Variants in FKBP9 observed in about 807,000 individuals in gnomAD.
FKBP9 encodes the protein peptidyl-prolyl cis-trans isomerase FKBP9.
FKBP9 carries 27 observed loss-of-function variants against 55.6 expected under a neutral mutation model. The observed-to-expected ratio is 0.49, with a 90% CI of 0.36 to 0.67. The LOEUF is 0.67. Among genes scored for constraint, FKBP9 ranks in the 30% least tolerant of loss-of-function variants. The pLI is 0.00. For missense variants in FKBP9, 539 were observed against 742.8 expected, an observed-to-expected ratio of 0.73 and a Z score of 3.19; for synonymous variants, 267 against 296.5, an observed-to-expected ratio of 0.90 and a Z score of 1.02.
At chr7:32,965,866 T>TATATATACACATATATATATAC (rs70989913) in intron 1 of FKBP9, among the ~76,000 whole-genome samples, 1 of 97,520 alleles carries the variant, frequency 1.0e-5, no homozygotes, top group African/African-American at 4.8e-5. Flanking sequence ...TATATATATA[T>TATATATACACATATATATATAC]ACATACATAT....
intron 5 of FKBP9, 78 bp from the exon 6 acceptor site, chr7:32,988,429 T>C (rs1403400575): frequency 6.8e-7 from 1 of 1,474,160 alleles, no homozygotes; most frequent in African/African-American, 1.4e-5. Context: ...TGCCTTTGCA[T>C]CTCTTTCCCA....
Position 32,975,288 on chromosome 7 carries a change from T to C in FKBP9, c.474T>C (p.Ser158=). The C allele has an allele frequency of 6.2e-7, 1 of 1,613,824 alleles. No homozygotes were observed. The highest frequency in any genetic ancestry group is 8.5e-7 in the Non-Finnish European group (1 of 1,179,700). The change falls in exon 3 of 10, where the codon AGT becomes AGC. Residue 158 remains serine (S), a synonymous_variant. Transcript: ENST00000242209. ...VQIHTYFKPP[S]CPRTIQVSDF... is the part of the protein sequence containing the mutation. ...TTCACACCTATTTCAAGCCCCCGAGTTGCCCTCGGACCATCCAGGTGTCTG... is the reference window on the plus strand; with the variant it reads ...TTCACACCTATTTCAAGCCCCCGAGCTGCCCTCGGACCATCCAGGTGTCTG...
At chr7:32,967,882 G>A (rs551201336) in intron 1 of FKBP9, among the ~76,000 whole-genome samples, 4 of 152,148 alleles carry the variant, frequency 2.6e-5, no homozygotes, top group South Asian at 4.1e-4. Flanking sequence ...AGCCTCCTGA[G>A]TAGCTGGGAT....
intron 1 of FKBP9, among the ~76,000 whole-genome samples, chr7:32,964,022 AGGGTCAGT>A (rs1784083721): frequency 6.6e-6 from 1 of 152,070 alleles, no homozygotes; most frequent in Non-Finnish European, 1.5e-5. Flanking sequence ...GGGGCCTGAC[AGGGTCAGT>A]GGTGTCAGAA....
At position 32,982,594 on chromosome 7, in the gene FKBP9, C is replaced by CA. The variant is rs894518799; in HGVS notation, c.893+2050dup. 2.4e-4 allele frequency among the ~76,000 whole-genome samples: 36 copies of CA among 150,010 alleles called. No individual in the cohort carries two copies. In the East Asian group the frequency reaches 4.9e-3, roughly 20 times the overall value. On this transcript the variant is annotated intron_variant, in intron 5 of 9. Transcript: ENST00000242209. The stretch of plus-strand genomic sequence containing the variant: ...AGTTGTTTTTATCTTTTTCTGTTAC[C>CA]AAAAAAAAATCATTTAGTGCATATG...
intron 4 of FKBP9, among the ~76,000 whole-genome samples, chr7:32,978,731 A>G (rs1784410447): frequency 6.6e-6 from 1 of 152,160 alleles, no homozygotes; most frequent in Non-Finnish European, 1.5e-5. Context: ...TGGCTCCCAG[A>G]TCCTTTTGTC....
intron 9 of FKBP9, among the ~76,000 whole-genome samples, chr7:33,004,525 C>T (rs1784996700): frequency 6.6e-6 from 1 of 152,166 alleles, no homozygotes; most frequent in Admixed American, 6.5e-5. Context: ...CGGTCCTTTC[C>T]TTCTCATCTT....
At chr7:32,968,034 C>T (rs1180705259) in intron 1 of FKBP9, among the ~76,000 whole-genome samples, 6 of 152,188 alleles carry the variant, frequency 3.9e-5, no homozygotes, top group Non-Finnish European at 4.4e-5. Flanking sequence ...GGATTACAGG[C>T]GTGAGCCACC....
At chr7:32,991,448 G>A (rs3109438) in intron 6 of FKBP9, among the ~76,000 whole-genome samples, 6 of 152,182 alleles carry the variant, frequency 3.9e-5, no homozygotes, top group African/African-American at 9.7e-5. Context: ...ATAGGAGCTC[G>A]TGCTGATCCC....
chr7:32,982,958 C>T (rs1784507797), intron 5 of FKBP9, among the ~76,000 whole-genome samples: 1 of 150,422 alleles, frequency 6.6e-6, no homozygotes, highest in African/African-American at 2.4e-5. Context: ...GGATACATCG[C>T]TAGAAGAATC....
intron 6 of FKBP9, among the ~76,000 whole-genome samples, chr7:32,993,587 G>C (rs1249003290): frequency 6.6e-6 from 1 of 152,210 alleles, no homozygotes; most frequent in Non-Finnish European, 1.5e-5. Flanking sequence ...CACTTTGGGA[G>C]GCTGAAGCAG....
chr7:32,967,844 TC>T (rs1656138422), intron 1 of FKBP9, among the ~76,000 whole-genome samples: 1 of 151,184 alleles, frequency 6.6e-6, no homozygotes, highest in African/African-American at 2.4e-5. Context: ...AACCTCCGCC[TC>T]CCAGGTTCAA....
chr7:32,962,654 A>G (rs1784048986), intron 1 of FKBP9, among the ~76,000 whole-genome samples: 1 of 151,806 alleles, frequency 6.6e-6, no homozygotes, highest in Non-Finnish European at 1.5e-5. Flanking sequence ...TTGTATGTTT[A>G]GTAGAGATGG....
At chr7:32,979,878 T>G (rs1056594886) in intron 4 of FKBP9, among the ~76,000 whole-genome samples, 3 of 151,834 alleles carry the variant, frequency 2.0e-5, no homozygotes, top group African/African-American at 7.2e-5. Context: ...ATATCTTGCT[T>G]TGGATATACT....
At chr7:32,970,228 G>A (rs546853441) in intron 1 of FKBP9, among the ~76,000 whole-genome samples, 3 of 151,768 alleles carry the variant, frequency 2.0e-5, no homozygotes, top group East Asian at 2.0e-4. Context: ...ACAGAGTCTC[G>A]CTCTGTCGCC....
chr7:32,977,869 C>CAATATATATATATATATATATATA (rs1784392885), intron 4 of FKBP9, among the ~76,000 whole-genome samples: 1 of 94,214 alleles, frequency 1.1e-5, no homozygotes, highest in African/African-American at 3.7e-5. Flanking sequence ...ATATACATGC[C>CAATATATATATATATATATATATA]CATATATATA....
At chr7:32,970,159 G>A (rs1389012538) in intron 1 of FKBP9, among the ~76,000 whole-genome samples, 2 of 151,866 alleles carry the variant, frequency 1.3e-5, no homozygotes, top group South Asian at 2.1e-4. Context: ...ATCCATGAAC[G>A]AGAAATGTCT....
intron 5 of FKBP9, among the ~76,000 whole-genome samples, chr7:32,985,178 C>CTTTT (rs1444286814): frequency 5.4e-5 from 6 of 111,464 alleles, no homozygotes; most frequent in Non-Finnish European, 7.3e-5. Context: ...TTCTTTCTTT[C>CTTTT]TTTTTTTTTT....
chr7:33,001,484 G>A lies in FKBP9; in HGVS notation c.1373-1192G>A, dbSNP rs184391986. Among the ~76,000 whole-genome samples the A allele has an allele frequency of 1.2e-3, 189 of 151,996 alleles. 2 individuals carry two copies. The East Asian group carries it at 0.032, about 26-fold the overall frequency. On this transcript the variant is annotated intron_variant, in intron 8 of 9. Transcript: ENST00000242209. ...CAGGAGGTGGAGCTTGCAGTGAGCC[G>A]AGATCGTGCCACTGTACTGCAGCCT...
Sources: allele counts gnomAD v4.1 joint callset (sites outside exome capture counted in the v4.1 genomes callset), GRCh38; gene constraint gnomAD v4.1.1; transcripts MANE v1.5; gene names NCBI Gene and HGNC (gene_info 2026-07-23, HGNC 2026-07-21).